CENPE: variants seen among roughly 807,000 people sequenced by gnomAD.
The protein encoded by CENPE is centromere protein E, also known as centromere-associated protein E.
A neutral mutation model predicts 336.1 loss-of-function variants in CENPE; 145 were observed. That is an observed-to-expected ratio of 0.43 (90% confidence interval 0.38 to 0.50). The LOEUF (loss-of-function observed/expected upper bound fraction) is 0.50, where lower values mean the gene tolerates loss of function less well. Ranked by LOEUF, CENPE falls within the 20% of genes least tolerant of loss-of-function variation. The probability of loss-of-function intolerance (pLI) is 0.00; values close to 1 mark genes in which losing one functional copy is unlikely to be tolerated. For missense variants in CENPE, 2,719 were observed against 3,023.3 expected (o/e 0.90, Z 2.36); for synonymous variants, 1,013 against 984.8 (o/e 1.03, Z -0.54).
chr4:103,109,381 T>C (rs1749190474), intron 47 of CENPE, among the ~76,000 whole-genome samples: 1 of 152,190 alleles, frequency 6.6e-6, no homozygotes, highest in South Asian at 2.1e-4. Flanking sequence ...AATGAATCAA[T>C]GATATAATCC....
At position 103,106,303 on chromosome 4, in the gene CENPE, T is replaced by G. The variant is rs1054260235; in HGVS notation, c.8025A>C (p.Ala2675=). The change falls in exon 49 of 49, where the codon GCA becomes GCC. Residue 2675 remains alanine, a synonymous_variant. Coordinates refer to ENST00000265148, the MANE Select transcript of CENPE (RefSeq NM_001813.3). Reference sequence around the variant, plus strand: ...GCTGAGAATCCACACTCTCTGCTCCTGCATTTTGCACCTCTGAGAAAGAAA... The same window carrying G: ...GCTGAGAATCCACACTCTCTGCTCCGGCATTTTGCACCTCTGAGAAAGAAA... The part of the protein sequence containing the change: ...SLGLCPEVQN[A]GAESVDSQPG... 3 of 1,589,218 alleles carry G rather than the reference T, an allele frequency of 1.9e-6. No individual in the cohort carries two copies. Among genetic ancestry groups the G allele is most frequent in the African/African-American group, 1.3e-5 (1 of 74,502 alleles).
chr4:103,123,372 C>T lies in CENPE; in HGVS notation c.6925-283G>A, dbSNP rs12507348. On this transcript the variant is annotated intron_variant, in intron 42 of 48. Coordinates refer to ENST00000265148, the MANE Select transcript of CENPE (RefSeq NM_001813.3). ...TCACTTGATAGCCACCCTGATTATC[C>T]GATTGCTGCTGTATTGCAGTACTTG... Among the ~76,000 whole-genome samples, 22,258 of 152,010 alleles carry T rather than the reference C, an allele frequency of 0.15. 1,937 individuals are homozygous for T. The highest frequency in any genetic ancestry group is 0.31 in the South Asian group (1,465 of 4,802).
chr4:103,153,173 C>A lies in CENPE; in HGVS notation c.3111G>T (p.Glu1037Asp), dbSNP rs766448463. Residue 1037 changes from glutamate to aspartate, a missense_variant, in exon 25 of 49, where the codon GAG becomes GAT. Transcript: ENST00000265148. ...ATATCTTCCTTTGTTGCTCAATTAT[C>A]TCATTATCCTTAACATCTGCAGTTA... ...QTLTADVKDN[E>D]IIEQQRKIFS... 3 of 1,612,940 alleles carry A rather than the reference C, an allele frequency of 1.9e-6. No individual in the cohort carries two copies. The highest frequency in any genetic ancestry group is 2.5e-6 in the Non-Finnish European group (3 of 1,179,430).
At chr4:103,175,916 A>T in intron 15 of CENPE, 44 bp downstream of exon 15, 1 of 1,211,082 alleles carries the variant, frequency 8.3e-7, no homozygotes, top group East Asian at 2.4e-5. Flanking sequence ...AAAGAATTTT[A>T]AAAAGAGTAA....
rs763937174 is a variant in CENPE at position 103,158,772 on chromosome 4, C to T, written c.2716G>A (p.Val906Ile). ...GTAATCAGTGTTTTCTCCCTTTCTA[C>T]AGTTTGCAGCGTAGAATCTCTATTT... ...LENRDSTLQT[V>I]EREKTLITEK... Residue 906 changes from valine to isoleucine, a missense_variant, in exon 23 of 49, where the codon GTA becomes ATA. By Grantham distance (29) the Val-to-Ile change is conservative (BLOSUM62 3). Coordinates refer to ENST00000265148, the MANE Select transcript of CENPE (RefSeq NM_001813.3). 6 of 1,613,046 alleles carry T rather than the reference C, an allele frequency of 3.7e-6. No individual in the cohort carries two copies. The highest frequency in any genetic ancestry group is 1.7e-5 in the Admixed American group (1 of 59,840).
At chr4:103,112,038 T>G (rs1333735145) in intron 46 of CENPE, among the ~76,000 whole-genome samples, 7 of 151,742 alleles carry the variant, frequency 4.6e-5, no homozygotes, top group African/African-American at 1.2e-4. Flanking sequence ...AAAAGACACT[T>G]ATTACATGAG....
intron 27 of CENPE, 55 bp downstream of exon 27, chr4:103,149,063 T>A: frequency 6.3e-7 from 1 of 1,583,444 alleles, no homozygotes; most frequent in Non-Finnish European, 8.5e-7. Flanking sequence ...TCTTTCCAAG[T>A]GGCTCAGATT....
chr4:103,189,404 CA>C lies in CENPE; in HGVS notation c.694-3544del, dbSNP rs539793861. ...ACAAAAATCCTCAATAAAATACTGG[CA>C]AACAGAATCCAGCAGCACATCAAAA... On this transcript the variant is annotated intron_variant, in intron 8 of 48. Transcript: ENST00000265148. Among the ~76,000 whole-genome samples, 610 of 152,230 alleles carry C rather than the reference CA, an allele frequency of 4.0e-3. 2 individuals carry two copies. The highest frequency in any genetic ancestry group is 6.2e-3 in the Non-Finnish European group (425 of 68,004).
At chr4:103,111,110 C>G (rs1164879478) in intron 46 of CENPE, 99 bp from the exon 47 acceptor site, 1 of 788,762 alleles carries the variant, frequency 1.3e-6, no homozygotes, top group African/African-American at 1.8e-5. Flanking sequence ...TTATAGAGAC[C>G]CAAACAGCTC....
intron 42 of CENPE, among the ~76,000 whole-genome samples, chr4:103,130,748 A>G (rs1751513087): frequency 6.6e-6 from 1 of 152,128 alleles, no homozygotes; most frequent in Non-Finnish European, 1.5e-5. Flanking sequence ...TGACTTCCAG[A>G]TTTACTATAA....
chr4:103,145,084 T>A lies in CENPE; in HGVS notation c.4823A>T (p.Gln1608Leu). 7 of 1,540,442 alleles carry A rather than the reference T, an allele frequency of 4.5e-6. No individual in the cohort carries two copies. Among genetic ancestry groups the A allele is most frequent in the Non-Finnish European group, 5.2e-6 (6 of 1,148,426 alleles). Reference protein sequence around the residue: ...VQEALQIERDQLKENTKEIVA... With the variant: ...VQEALQIERDLLKENTKEIVA... ...AATTTCTTTAGTGTTTTCTTTCAGT[T>A]GGTCTCTCTCTATCTGAAGGGCCTC... The change falls in exon 32 of 49, where the codon CAA becomes CTA. Residue 1608 changes from glutamine to leucine, a missense_variant. Gln to Leu is a moderately radical substitution (Grantham distance 113). Around this residue, in one of 5 missense-constraint regions of CENPE, gnomAD observed 2,437 missense variants for 2,513.3 expected, o/e 0.97. Coordinates refer to ENST00000265148, the MANE Select transcript of CENPE (RefSeq NM_001813.3).
chr4:103,173,248 T>G (rs1338919264), intron 16 of CENPE, among the ~76,000 whole-genome samples: 3 of 152,020 alleles, frequency 2.0e-5, no homozygotes, highest in African/African-American at 7.2e-5. Flanking sequence ...GAACATATGT[T>G]GGGGAAAGGA....
At chr4:103,185,432 T>C (rs72665096) in intron 9 of CENPE, among the ~76,000 whole-genome samples, 22,828 of 152,054 alleles carry the variant, frequency 0.15, 1,986 homozygotes, top group South Asian at 0.3. Flanking sequence ...ATATTTTAAC[T>C]TGTTTTTATT....
chr4:103,188,820 C>CA (rs1486150550), intron 8 of CENPE, among the ~76,000 whole-genome samples: 4 of 152,002 alleles, frequency 2.6e-5, no homozygotes, highest in Non-Finnish European at 5.9e-5. Context: ...GACAGAGACA[C>CA]AAAAAACCCT....
chr4:103,135,626 T>C (rs541488995), intron 40 of CENPE, among the ~76,000 whole-genome samples: 7 of 152,294 alleles, frequency 4.6e-5, no homozygotes, highest in East Asian at 1.9e-4. Context: ...CTGCCTCTTA[T>C]TGCTTTCTGC....
Position 103,195,141 on chromosome 4 carries a change from T to C in CENPE, c.450A>G (p.Lys150=). ...TGACATCTTCTCGAATAATTAAAGG[T>C]TTCATTTTTTGAGTGCCACAGAGTA... ...TDLLCGTQKM[K]PLIIREDVNR... Residue 150 remains lysine, a synonymous_variant, in exon 5 of 49, where the codon AAA becomes AAG. Coordinates refer to ENST00000265148, the MANE Select transcript of CENPE (RefSeq NM_001813.3). 1.9e-6 allele frequency: 3 copies of C among 1,592,736 alleles called. No homozygotes were observed. The highest frequency in any genetic ancestry group is 2.6e-6 in the Non-Finnish European group (3 of 1,174,594).
chr4:103,121,682 G>A (rs1300300232), intron 43 of CENPE, among the ~76,000 whole-genome samples: 1 of 151,294 alleles, frequency 6.6e-6, no homozygotes, highest in Non-Finnish European at 1.5e-5. Flanking sequence ...CCACATAGCT[G>A]AGACCACAGG....
intron 16 of CENPE, 133 bp downstream of exon 16, chr4:103,174,603 T>C (rs1428614005): frequency 7.0e-6 from 4 of 567,734 alleles, no homozygotes; most frequent in African/African-American, 5.9e-5. Context: ...ATACATCATG[T>C]TGTATACAAT....
At chr4:103,174,298 C>A (rs889338465) in intron 16 of CENPE, among the ~76,000 whole-genome samples, 1 of 151,908 alleles carries the variant, frequency 6.6e-6, no homozygotes, top group African/African-American at 2.4e-5. Flanking sequence ...AAAAGCTGAT[C>A]TCTTAGAAGT....
Sources: allele counts gnomAD v4.1 joint callset (sites outside exome capture counted in the v4.1 genomes callset), GRCh38; gene constraint gnomAD v4.1.1; regional missense constraint gnomAD v4.1.1; transcripts MANE v1.5; gene names NCBI Gene and HGNC (gene_info 2026-07-23, HGNC 2026-07-21).